NUP98: variants seen among roughly 807,000 people sequenced by gnomAD.
NUP98 encodes nucleoporin 98 and 96 precursor.
In NUP98, 26 loss-of-function variants were observed where a neutral mutation model predicts 191.9. The observed-to-expected ratio is 0.14, with a 90% CI of 0.10 to 0.19. NUP98 has a LOEUF of 0.19. Ranked by LOEUF, NUP98 falls within the 10% of genes least tolerant of loss-of-function variation. The pLI is 1.00. For missense variants in NUP98, 1,941 were observed against 2,178.8 expected (o/e 0.89, Z 2.17); for synonymous variants, 808 against 778.4 (o/e 1.04, Z -0.63).
At chr11:3,689,656 G>C (rs1484099180) in intron 28 of NUP98, among the ~76,000 whole-genome samples, 4 of 152,062 alleles carry the variant, frequency 2.6e-5, no homozygotes, top group African/African-American at 9.7e-5. Flanking sequence ...CTTTTTTGGA[G>C]ACAGGGTCTC....
rs770637404 is a variant in NUP98 at position 3,705,322 on chromosome 11, T to C, written c.2960A>G (p.Asp987Gly). The stretch of plus-strand genomic sequence containing the variant: ...GCGTTGATCCAGTGCCATATCTACA[T>C]CTTCTTCATCAGTAAGCAATGATGC... The part of the protein sequence containing the change: ...MKASLLTDEE[D>G]VDMALDQRFS... Residue 987 changes from aspartate (D) to glycine (G), a missense_variant, in exon 22 of 33, where the codon GAT becomes GGT. Physicochemically the swap from Asp to Gly is moderately conservative, Grantham distance 94. Transcript: ENST00000324932. 1 of 1,613,760 alleles carries C rather than the reference T, an allele frequency of 6.2e-7. No individual in the cohort carries two copies. The highest frequency in any genetic ancestry group is 8.5e-7 in the Non-Finnish European group (1 of 1,180,014).
chr11:3,698,444 TC>T (rs746490335), intron 25 of NUP98, among the ~76,000 whole-genome samples: 3 of 151,908 alleles, frequency 2.0e-5, no homozygotes, highest in Non-Finnish European at 2.9e-5. Flanking sequence ...AAGACATAGT[TC>T]GGCTGGGTGC....
chr11:3,675,964 T>A lies in NUP98; in HGVS notation c.*195A>T, dbSNP rs2077795175. 3.4e-6 allele frequency: 2 copies of A among 592,418 alleles called. No homozygotes were observed. The allele number at this position is 592,418 out of a possible 1,614,324, so 36.7% of individuals were successfully genotyped here. On this transcript the variant is annotated 3_prime_UTR_variant, in exon 33 of 33. Coordinates refer to ENST00000324932, the MANE Select transcript of NUP98 (RefSeq NM_016320.5). ...ATGGTAAACTGTCTCCTCTTCTGGG[T>A]TCCAGAAGCCCTTATGCTACGTTCA...
chr11:3,677,259 G>A (rs894380275), intron 31 of NUP98, among the ~76,000 whole-genome samples: 3 of 152,082 alleles, frequency 2.0e-5, no homozygotes, highest in African/African-American at 7.2e-5. Flanking sequence ...ATTGAGACCT[G>A]AATAACAAGG....
At chr11:3,719,034 C>T (rs1158364542) in intron 18 of NUP98, among the ~76,000 whole-genome samples, 3 of 151,762 alleles carry the variant, frequency 2.0e-5, no homozygotes, top group Admixed American at 6.6e-5. Context: ...GCAGGAGAAT[C>T]GCTTGAACCC....
Position 3,676,225 on chromosome 11 carries a change from A to G in NUP98, c.5337T>C (p.Tyr1779=). ...TAAGGCTGCGCAGTTCGTCCATGGCATAGTCCTCAGGCATGGGAAGCCGGC... is the reference window on the plus strand; with the variant it reads ...TAAGGCTGCGCAGTTCGTCCATGGCGTAGTCCTCAGGCATGGGAAGCCGGC... ...HIGRLPMPED[Y]AMDELRSLTQ... Residue 1779 remains tyrosine, a synonymous_variant, in exon 33 of 33, where the codon TAT becomes TAC. Coordinates refer to ENST00000324932, the MANE Select transcript of NUP98 (RefSeq NM_016320.5). 1.2e-6 allele frequency: 2 copies of G among 1,614,186 alleles called. No homozygotes were observed. The highest frequency in any genetic ancestry group is 1.7e-5 in the Admixed American group (1 of 60,028).
At chr11:3,752,119 G>A (rs1052350090) in intron 11 of NUP98, among the ~76,000 whole-genome samples, 21 of 151,400 alleles carry the variant, frequency 1.4e-4, no homozygotes, top group African/African-American at 5.1e-4. Context: ...ACTCCAGCCT[G>A]GGGGACGGAG....
intron 5 of NUP98, among the ~76,000 whole-genome samples, chr11:3,774,935 C>A (rs2081659625): frequency 6.6e-6 from 1 of 152,166 alleles, no homozygotes; most frequent in Non-Finnish European, 1.5e-5. Context: ...ACAAATTCTT[C>A]ATTTTCTGGA....
In NUP98 at chr11:3,702,618, G is replaced by A. The variant is rs868183591; in HGVS notation, c.3357C>T (p.Ala1119=). ...YGKGKLLMDM[A]LFMGRSFRVG... ...CACGAAATGAGCGTCCCATGAATAG[G>A]GCCATGTCCATCAAGAGTTTTCCCT... The change falls in exon 23 of 33, where the codon GCC becomes GCT. Residue 1119 remains alanine, a synonymous_variant. Coordinates refer to ENST00000324932, the MANE Select transcript of NUP98 (RefSeq NM_016320.5). The A allele has an allele frequency of 1.2e-6, 2 of 1,613,878 alleles. No individual in the cohort carries two copies. Among genetic ancestry groups the A allele is most frequent in the South Asian group, 2.2e-5 (2 of 91,072 alleles).
Position 3,735,336 on chromosome 11 carries a change from A to C in NUP98, c.1409-12T>G. On this transcript the variant is annotated splice_polypyrimidine_tract_variant and intron_variant, in intron 12 of 32. Coordinates refer to ENST00000324932, the MANE Select transcript of NUP98 (RefSeq NM_016320.5). ...TGGATCTGTCAAAGCTTTTAAAAAA[A>C]AAAAAAGAAAACAAAATATATATAT... 7.0e-7 allele frequency: 1 copy of C among 1,423,832 alleles called. No homozygotes were observed. Among genetic ancestry groups the C allele is most frequent in the African/African-American group, 1.4e-5 (1 of 69,582 alleles). 88.2% of individuals were successfully genotyped at this position (1,423,832 alleles called of 1,614,324 possible). A position where few individuals can be genotyped will look rare whatever the true frequency, so the allele number is the denominator to read the frequency against.
chr11:3,757,625 C>A (rs1009584197), intron 10 of NUP98, among the ~76,000 whole-genome samples: 1 of 151,640 alleles, frequency 6.6e-6, no homozygotes, highest in Non-Finnish European at 1.5e-5. Context: ...ATGGTAAAAC[C>A]CTGTTTCTAC....
intron 1 of NUP98, among the ~76,000 whole-genome samples, chr11:3,785,197 A>C (rs1181604828): frequency 2.6e-5 from 4 of 152,090 alleles, no homozygotes; most frequent in Non-Finnish European, 4.4e-5. Context: ...ACAAAAAAAA[A>C]CAACCAAAAA....
chr11:3,722,823 A>G (rs1031852968), intron 16 of NUP98, among the ~76,000 whole-genome samples: 1 of 152,190 alleles, frequency 6.6e-6, no homozygotes, highest in Non-Finnish European at 1.5e-5. Context: ...GAAAAAACAA[A>G]CAAACAAACA....
rs768914434 is a variant in NUP98, at chr11:3,779,137, T to A, written c.178+19A>T. 3 of 1,613,246 alleles carry A rather than the reference T, an allele frequency of 1.9e-6. No individual in the cohort carries two copies. The highest frequency in any genetic ancestry group is 2.5e-6 in the Non-Finnish European group (3 of 1,179,226). On this transcript the variant is annotated intron_variant, in intron 3 of 32. Transcript: ENST00000324932. Reference sequence around the variant, plus strand: ...ACTAGCTACAAACAAACCAGTTATATCACAAATAAAGCCCCTACCTGGTTT... The same window carrying A: ...ACTAGCTACAAACAAACCAGTTATAACACAAATAAAGCCCCTACCTGGTTT...
chr11:3,689,940 ATTTTTTTT>A (rs989043726), intron 28 of NUP98, among the ~76,000 whole-genome samples: 4 of 73,574 alleles, frequency 5.4e-5, no homozygotes, highest in Non-Finnish European at 7.7e-5. Flanking sequence ...GCTGGCCTGC[ATTTTTTTT>A]TTTTTTTTTT....
intron 26 of NUP98, among the ~76,000 whole-genome samples, chr11:3,694,380 C>T (rs2078431046): frequency 1.3e-5 from 2 of 150,964 alleles, no homozygotes; most frequent in South Asian, 4.2e-4. Flanking sequence ...CAAAAAACAA[C>T]AACAACAACA....
chr11:3,790,955 A>G (rs1325028367), intron 1 of NUP98, among the ~76,000 whole-genome samples: 6 of 149,548 alleles, frequency 4.0e-5, no homozygotes, highest in East Asian at 2.0e-4. Context: ...GAGTGAAGTG[A>G]CGCAATCTCG....
intron 1 of NUP98, among the ~76,000 whole-genome samples, chr11:3,786,425 TTTTTTC>T (rs1310734804): frequency 6.6e-6 from 1 of 152,222 alleles, no homozygotes; most frequent in Non-Finnish European, 1.5e-5. Context: ...CCTTTCTCCT[TTTTTTC>T]TTTATGAATG....
intron 28 of NUP98, among the ~76,000 whole-genome samples, chr11:3,689,443 C>T (rs537277489): frequency 3.2e-4 from 49 of 151,920 alleles, no homozygotes; most frequent in African/African-American, 1.2e-3. Context: ...AGGAGAATGG[C>T]GTGAACCTGG....
Sources: gnomAD v4.1 joint callset for allele counts (sites outside exome capture counted in the v4.1 genomes callset) on GRCh38, gnomAD v4.1.1 for gene constraint, MANE v1.5 for transcripts, NCBI Gene and HGNC (gene_info 2026-07-23, HGNC 2026-07-21) for gene names.